The following IQGAP1 variants were observed in gnomAD, a reference collection of about 807,000 sequenced individuals.
IQGAP1 encodes IQ motif containing GTPase activating protein 1.
A neutral mutation model predicts 215.6 loss-of-function variants in IQGAP1; 66 were observed. That is an observed-to-expected ratio of 0.31 (90% confidence interval 0.25 to 0.38). IQGAP1 has a LOEUF of 0.38. Ranked by LOEUF, IQGAP1 falls within the 10% of genes least tolerant of loss-of-function variation. The pLI, the probability that IQGAP1 is intolerant of heterozygous loss-of-function variation, is 1.00. For missense variants in IQGAP1, 1,712 were observed against 1,997.1 expected, an observed-to-expected ratio of 0.86 and a Z score of 2.72; for synonymous variants, 772 against 728.7, an observed-to-expected ratio of 1.06 and a Z score of -0.96.
intron 1 of IQGAP1, 70 bp from the exon 2 acceptor site, chr15:90,390,704 C>T: frequency 9.6e-7 from 1 of 1,045,608 alleles, no homozygotes; most frequent in Non-Finnish European, 1.5e-6. Flanking sequence ...GAAATTGATT[C>T]TGTGGCAATC....
intron 2 of IQGAP1, among the ~76,000 whole-genome samples, chr15:90,404,547 G>C (rs1054147337): frequency 1.3e-5 from 2 of 151,860 alleles, no homozygotes; most frequent in Non-Finnish European, 2.9e-5. Flanking sequence ...TATATATTGA[G>C]GAAATTGGCT....
At chr15:90,453,067 A>G in intron 12 of IQGAP1, 65 bp from the exon 13 acceptor site, 2 of 1,558,448 alleles carry the variant, frequency 1.3e-6, no homozygotes, top group Non-Finnish European at 1.7e-6. Flanking sequence ...TATTAAACTT[A>G]TAACTCCCTG....
chr15:90,439,323 A>G lies in IQGAP1; in HGVS notation c.468-9A>G. On this transcript the variant is annotated splice_polypyrimidine_tract_variant and intron_variant, in intron 5 of 37. Coordinates refer to ENST00000268182, the MANE Select transcript of IQGAP1 (RefSeq NM_003870.4). ...GGAGGCCTAACCTTTTGCATATTGT[A>G]TCTTCTAGTTTGTACCTGTTCAAGC... is the stretch of plus-strand genomic sequence containing the variant. The G allele has an allele frequency of 1.9e-6, 3 of 1,611,360 alleles. No individual in the cohort carries two copies. Among genetic ancestry groups the G allele is most frequent in the Non-Finnish European group, 2.5e-6 (3 of 1,178,292 alleles).
chr15:90,491,652 A>C, intron 34 of IQGAP1, 107 bp downstream of exon 34: 1 of 833,846 alleles, frequency 1.2e-6, no homozygotes, highest in Non-Finnish European at 1.9e-6. Flanking sequence ...TGGGCAAATT[A>C]GTGCCCTCCT....
intron 18 of IQGAP1, among the ~76,000 whole-genome samples, 196 bp downstream of exon 18, chr15:90,467,788 T>C (rs1965852137): frequency 6.6e-6 from 1 of 152,212 alleles, no homozygotes; most frequent in African/African-American, 2.4e-5. Flanking sequence ...ATCTGAATTA[T>C]AGAATTAAGT....
At chr15:90,481,555 C>T (rs187616403) in intron 26 of IQGAP1, among the ~76,000 whole-genome samples, 21 of 152,246 alleles carry the variant, frequency 1.4e-4, no homozygotes, top group African/African-American at 5.1e-4. Flanking sequence ...TTCAAGCATC[C>T]CTTCGTTTTG....
At chr15:90,463,500 C>G (rs1965790316) in intron 15 of IQGAP1, among the ~76,000 whole-genome samples, 2 of 152,198 alleles carry the variant, frequency 1.3e-5, no homozygotes, top group African/African-American at 4.8e-5. Flanking sequence ...TAAGTTGTCA[C>G]AAGCCTGCAG....
chr15:90,413,912 G>T (rs1965005125), intron 2 of IQGAP1, among the ~76,000 whole-genome samples: 2 of 152,314 alleles, frequency 1.3e-5, no homozygotes, highest in Middle Eastern at 6.8e-3. Flanking sequence ...ATCTCAGGGA[G>T]GAAGTGGGGT....
At chr15:90,415,850 A>C in intron 2 of IQGAP1, among the ~76,000 whole-genome samples, 1 of 152,020 alleles carries the variant, frequency 6.6e-6, no homozygotes, top group South Asian at 2.1e-4. Flanking sequence ...TTCTCCTTCT[A>C]AGTCTACTTG....
intron 5 of IQGAP1, among the ~76,000 whole-genome samples, chr15:90,439,102 T>C (rs946666871): frequency 6.6e-6 from 1 of 152,060 alleles, no homozygotes; most frequent in African/African-American, 2.4e-5. Flanking sequence ...CCCAGTCCAG[T>C]GCTCTTTGCA....
intron 2 of IQGAP1, among the ~76,000 whole-genome samples, chr15:90,417,343 C>T (rs1172621382): frequency 6.6e-6 from 1 of 152,146 alleles, no homozygotes; most frequent in Non-Finnish European, 1.5e-5. Flanking sequence ...GGTTTTAGGT[C>T]TAACATTTAA....
intron 1 of IQGAP1, 118 bp downstream of exon 1, chr15:90,388,514 C>A: frequency 1.1e-6 from 1 of 894,386 alleles, no homozygotes; most frequent in Non-Finnish European, 1.5e-6. Flanking sequence ...CAGCTCGGAC[C>A]CGGAAGAGCC....
intron 2 of IQGAP1, among the ~76,000 whole-genome samples, chr15:90,419,946 C>T (rs1295463462): frequency 6.6e-6 from 1 of 152,150 alleles, no homozygotes; most frequent in East Asian, 1.9e-4. Context: ...TAATATAATA[C>T]CTGGTAACGT....
At chr15:90,434,648 C>T (rs896445398) in intron 5 of IQGAP1, among the ~76,000 whole-genome samples, 2 of 152,020 alleles carry the variant, frequency 1.3e-5, no homozygotes, top group Non-Finnish European at 2.9e-5. Flanking sequence ...TTAGTAGATG[C>T]TTATACAGGT....
chr15:90,413,397 G>C (rs1351571331), intron 2 of IQGAP1, among the ~76,000 whole-genome samples: 2 of 152,180 alleles, frequency 1.3e-5, no homozygotes, highest in African/African-American at 4.8e-5. Context: ...TAGAAAGAAG[G>C]AACTCTGCAG....
At position 90,429,596 on chromosome 15, in the gene IQGAP1, G is replaced by A; in HGVS notation, c.320G>A (p.Gly107Asp). 1.3e-6 allele frequency: 2 copies of A among 1,594,708 alleles called. No homozygotes were observed. Among genetic ancestry groups the A allele is most frequent in the Non-Finnish European group, 1.7e-6 (2 of 1,174,056 alleles). ...DREQTRYKAT[G>D]LHFRHTDNVI... ...TTTCTTTTTTTTTTCTAGGCGACTGGCCTCCACTTTAGACACACTGATAAT... is the reference window on the plus strand; with the variant it reads ...TTTCTTTTTTTTTTCTAGGCGACTGACCTCCACTTTAGACACACTGATAAT... The change falls in exon 4 of 38, where the codon GGC becomes GAC. Residue 107 changes from glycine to aspartate, a missense_variant. Physicochemically the swap from Gly to Asp is moderately conservative, Grantham distance 94 (BLOSUM62 -1). This residue lies in a region of IQGAP1 where 1,021 missense variants were observed against 1,074.2 expected (regional missense o/e 0.95). Transcript: ENST00000268182.
In IQGAP1 at chr15:90,406,521, A is replaced by G. The variant is rs144989421; in HGVS notation, c.155+15648A>G. Among the ~76,000 whole-genome samples the G allele has an allele frequency of 8.4e-3, 1,282 of 152,384 alleles. 14 individuals are homozygous for G. Among genetic ancestry groups the G allele is most frequent in the South Asian group, 0.042 (203 of 4,832 alleles). ...AATTAGATAGTGATGACGGTTGTACAACATTGTGAATATTCTAAAAGCAAC... is the reference window on the plus strand; with the variant it reads ...AATTAGATAGTGATGACGGTTGTACGACATTGTGAATATTCTAAAAGCAAC... On this transcript the variant is annotated intron_variant, in intron 2 of 37. Coordinates refer to ENST00000268182, the MANE Select transcript of IQGAP1 (RefSeq NM_003870.4).
intron 33 of IQGAP1, among the ~76,000 whole-genome samples, chr15:90,491,026 G>A (rs868227911): frequency 1.4e-4 from 21 of 152,250 alleles, no homozygotes; most frequent in Admixed American, 5.9e-4. Context: ...AGTCAGGATG[G>A]TCTTGAACTC....
rs1966324699 is a variant in IQGAP1 at position 90,500,232 on chromosome 15, TC to T, written c.*127del. On this transcript the variant is annotated 3_prime_UTR_variant, in exon 38 of 38. Transcript: ENST00000268182. ...ACAACAGCACCTCAATCTGATACAC[TC>T]CCGATGCCACATTTTTAACTCCTCT... 1.6e-6 allele frequency: 1 copy of T among 607,582 alleles called. No individual in the cohort carries two copies. The highest frequency in any genetic ancestry group is 3.0e-6 in the Non-Finnish European group (1 of 335,782). 37.6% of individuals were successfully genotyped at this position (607,582 alleles called of 1,614,324 possible).
Sources: allele counts gnomAD v4.1 joint callset (sites outside exome capture counted in the v4.1 genomes callset), GRCh38; gene constraint gnomAD v4.1.1; regional missense constraint gnomAD v4.1.1; transcripts MANE v1.5; gene names NCBI Gene and HGNC (gene_info 2026-07-23, HGNC 2026-07-21).